The following ATP13A4 variants were observed in gnomAD, a reference collection of about 807,000 sequenced individuals.
The protein encoded by ATP13A4 is probable cation-transporting ATPase 13A4.
In ATP13A4, 114 loss-of-function variants were observed where a neutral mutation model predicts 142.5. That is an observed-to-expected ratio of 0.80 (90% confidence interval 0.69 to 0.93). ATP13A4 has a LOEUF of 0.93. Among genes scored for constraint, ATP13A4 ranks in the 40% least tolerant of loss-of-function variants. ATP13A4 has a pLI of 0.00. For synonymous variants in ATP13A4, 488 were observed against 514.8 expected, an observed-to-expected ratio of 0.95 and a Z score of 0.70; for missense variants, 1,392 against 1,454.0, an observed-to-expected ratio of 0.96 and a Z score of 0.69.
intron 25 of ATP13A4, among the ~76,000 whole-genome samples, chr3:193,427,470 C>G (rs1242741923): frequency 6.6e-6 from 1 of 152,070 alleles, no homozygotes; most frequent in African/African-American, 2.4e-5. Context: ...TCATATGTAA[C>G]CAAAAAAGAG....
rs563260202 is a variant in ATP13A4, at chr3:193,519,897, A to G, written c.61-5026T>C. Among the ~76,000 whole-genome samples the G allele has an allele frequency of 3.3e-3, 508 of 152,016 alleles. 1 individual carries two copies. The highest frequency in any genetic ancestry group is 0.011 in the African/African-American group (475 of 41,478). On this transcript the variant is annotated intron_variant, in intron 1 of 29. Transcript: ENST00000342695. ...CGACCTCAGGTGATCCAGCCGCCTC[A>G]GGCTCCAAAAGTGCTGGGATTACAG...
intron 1 of ATP13A4, among the ~76,000 whole-genome samples, chr3:193,517,881 T>G (rs1721513649): frequency 1.3e-5 from 2 of 152,222 alleles, no homozygotes; most frequent in South Asian, 4.1e-4. Context: ...TTTGCCACTC[T>G]TAAATACTAA....
At position 193,568,317 on chromosome 3, in the gene ATP13A4, G is replaced by GA. The variant is rs200679885; in HGVS notation, n.291+13389dup. Among the ~76,000 whole-genome samples the GA allele has an allele frequency of 5.3e-3, 814 of 152,156 alleles. 11 individuals are homozygous for GA. The highest frequency in any genetic ancestry group is 0.018 in the African/African-American group (762 of 41,516). ...AACTTTGGCAAACAGTTGATTCCAG[G>GA]AAAAAAGCTGCCACTTTCTCTAGGG... is the stretch of plus-strand genomic sequence containing the variant. On this transcript the variant is annotated intron_variant and non_coding_transcript_variant, in intron 2 of 3. Coordinates refer to the ATP13A4 transcript ENST00000489140.
At chr3:193,408,670 C>G (rs6444720) in intron 28 of ATP13A4, among the ~76,000 whole-genome samples, 74,465 of 152,108 alleles carry the variant, frequency 0.49, 19,740 homozygotes, top group African/African-American at 0.7. Flanking sequence ...AATGAGGACA[C>G]CACGGATTCT....
At chr3:193,525,894 T>G (rs1275914261) in intron 1 of ATP13A4, among the ~76,000 whole-genome samples, 1 of 152,080 alleles carries the variant, frequency 6.6e-6, no homozygotes, top group African/African-American at 2.4e-5. Context: ...ATCTTTTCCA[T>G]ATACAGGAAG....
At chr3:193,405,213 G>C (rs1204846356) in intron 29 of ATP13A4, among the ~76,000 whole-genome samples, 1 of 152,234 alleles carries the variant, frequency 6.6e-6, no homozygotes, top group Non-Finnish European at 1.5e-5. Context: ...AGAACTTCCT[G>C]CTAGAGGATT....
At chr3:193,588,664 T>C (rs1724709090) in intron 1 of ATP13A4, among the ~76,000 whole-genome samples, 1 of 152,166 alleles carries the variant, frequency 6.6e-6, no homozygotes, top group Non-Finnish European at 1.5e-5. Flanking sequence ...TCCAGGATTA[T>C]CTTTTTTGAG....
chr3:193,456,881 A>G, intron 16 of ATP13A4, 119 bp downstream of exon 16: 1 of 1,244,218 alleles, frequency 8.0e-7, no homozygotes. Context: ...TTGGAATGCC[A>G]GTGAGCCACC....
Position 193,541,344 on chromosome 3 carries a change from T to TGATCACAGATTATCTATCTGTGATTATC in ATP13A4, c.60+13368_60+13395dup, listed in dbSNP as rs753566791. Among the ~76,000 whole-genome samples the TGATCACAGATTATCTATCTGTGATTATC allele has an allele frequency of 7.0e-3, 987 of 140,524 alleles. 55 individuals carry two copies. Among genetic ancestry groups the TGATCACAGATTATCTATCTGTGATTATC allele is most frequent in the African/African-American group, 0.018 (613 of 34,988 alleles). The allele number at this position is 140,524 out of a possible 152,430, so 92.2% of individuals were successfully genotyped here. On this transcript the variant is annotated intron_variant, in intron 1 of 29. Transcript: ENST00000342695. ...CAGATTATTTTACAAAGATATTATC[T>TGATCACAGATTATCTATCTGTGATTATC]GATCACAGATTATCTATCTGTGATT...
At chr3:193,412,110 G>C in intron 27 of ATP13A4, 68 bp downstream of exon 27, 1 of 1,416,188 alleles carries the variant, frequency 7.1e-7, no homozygotes, top group Non-Finnish European at 1.0e-6. Context: ...TGTTCCCTAA[G>C]TGACCTGGAC....
chr3:193,475,671 A>G (rs1577002712), intron 8 of ATP13A4, among the ~76,000 whole-genome samples: 1 of 152,174 alleles, frequency 6.6e-6, no homozygotes, highest in East Asian at 1.9e-4. Flanking sequence ...TCTATACAAA[A>G]TAATACAAAT....
At chr3:193,419,421 G>C (rs1715293927) in intron 25 of ATP13A4, among the ~76,000 whole-genome samples, 1 of 150,118 alleles carries the variant, frequency 6.7e-6, no homozygotes, top group East Asian at 2.1e-4. Flanking sequence ...CTGAGCTGAA[G>C]TGTAGTGTCT....
At chr3:193,529,570 T>C (rs1008788249) in intron 1 of ATP13A4, among the ~76,000 whole-genome samples, 1 of 152,100 alleles carries the variant, frequency 6.6e-6, no homozygotes, top group African/African-American at 2.4e-5. Context: ...CCACTCGTCA[T>C]TGTGCAAGAG....
At chr3:193,403,395 T>A (rs953801272) in intron 29 of ATP13A4, among the ~76,000 whole-genome samples, 24 of 152,206 alleles carry the variant, frequency 1.6e-4, no homozygotes, top group Non-Finnish European at 2.9e-5. Flanking sequence ...TTCTGACACC[T>A]ATTATGGGCA....
At chr3:193,489,156 G>T (rs1719802154) in intron 7 of ATP13A4, among the ~76,000 whole-genome samples, 1 of 152,160 alleles carries the variant, frequency 6.6e-6, no homozygotes, top group Non-Finnish European at 1.5e-5. Context: ...TAATTTCAGA[G>T]AACAGAAGAG....
At chr3:193,495,652 T>C (rs1416702290) in intron 3 of ATP13A4, among the ~76,000 whole-genome samples, 1 of 152,148 alleles carries the variant, frequency 6.6e-6, no homozygotes, top group Non-Finnish European at 1.5e-5. Context: ...TGAAAGTTTT[T>C]CCTCTAAGAC....
chr3:193,515,879 T>C (rs1284337692), intron 1 of ATP13A4, among the ~76,000 whole-genome samples: 1 of 152,226 alleles, frequency 6.6e-6, no homozygotes, highest in East Asian at 1.9e-4. Flanking sequence ...CAAGACTCTT[T>C]GGGTTCAGAG....
chr3:193,552,379 C>A (rs182073133), intron 1 of ATP13A4, among the ~76,000 whole-genome samples: 31 of 152,264 alleles, frequency 2.0e-4, no homozygotes, highest in African/African-American at 2.6e-4. Flanking sequence ...ATGTTGTTTT[C>A]TCTTGAAATT....
intron 9 of ATP13A4, among the ~76,000 whole-genome samples, chr3:193,468,908 G>A (rs1718458302): frequency 1.3e-5 from 2 of 152,244 alleles, no homozygotes; most frequent in African/African-American, 2.4e-5. Flanking sequence ...TACAGGAGGA[G>A]AGAAAGAATT....
Sources: allele counts gnomAD v4.1 joint callset (sites outside exome capture counted in the v4.1 genomes callset), GRCh38; gene constraint gnomAD v4.1.1; transcripts MANE v1.5; gene names NCBI Gene and HGNC (gene_info 2026-07-23, HGNC 2026-07-21).